TBC1D4: variants seen among roughly 807,000 people sequenced by gnomAD.
TBC1D4 encodes TBC (Tre-2, BUB2, CDC16) domain-containing protein.
Under a neutral mutation model 142.5 loss-of-function variants are expected in TBC1D4, and 121 were observed. The ratio of observed to expected loss-of-function variants is 0.85; its 90% CI spans 0.73 to 0.99. TBC1D4 has a LOEUF of 0.99. TBC1D4 is among the 50% of genes least tolerant of loss of function. The pLI, the probability that TBC1D4 is intolerant of heterozygous loss-of-function variation, is 0.00. For synonymous variants in TBC1D4, 630 were observed against 628.2 expected, an observed-to-expected ratio of 1.00 and a Z score of -0.04; for missense variants, 1,475 against 1,606.6, an observed-to-expected ratio of 0.92 and a Z score of 1.40.
rs370075905 is a variant in TBC1D4, at chr13:75,312,798, G to A, written c.2323C>T (p.Arg775Cys). 31 of 1,614,070 alleles carry A rather than the reference G, an allele frequency of 1.9e-5. No homozygotes were observed. Among genetic ancestry groups the A allele is most frequent in the African/African-American group, 2.7e-5 (2 of 74,932 alleles). The change falls in exon 13 of 21, where the codon CGC becomes TGC. Residue 775 changes from arginine to cysteine, a missense_variant. Coordinates refer to ENST00000377636, the MANE Select transcript of TBC1D4 (RefSeq NM_014832.5). ...VTPRRISWRQ[R>C]IFLRVASPMN... is the part of the protein sequence containing the mutation. ...GGAGAAGCAACCCTGAGGAAAATGCGCTGCCGCCAGGAGATCCGGCGAGGA... is the reference window on the plus strand; with the variant it reads ...GGAGAAGCAACCCTGAGGAAAATGCACTGCCGCCAGGAGATCCGGCGAGGA...
At chr13:75,474,655 T>G (rs1488216720) in intron 1 of TBC1D4, among the ~76,000 whole-genome samples, 2 of 149,470 alleles carry the variant, frequency 1.3e-5, no homozygotes, top group Non-Finnish European at 3.0e-5. Flanking sequence ...CCTTTTTTTT[T>G]TTTTTTAATC....
intron 1 of TBC1D4, among the ~76,000 whole-genome samples, chr13:75,408,884 C>G (rs2056501345): frequency 6.6e-6 from 1 of 152,100 alleles, no homozygotes; most frequent in Non-Finnish European, 1.5e-5. Context: ...GAAAAATAAC[C>G]ATTCAAATAC....
At chr13:75,412,472 T>A (rs993236031) in intron 1 of TBC1D4, among the ~76,000 whole-genome samples, 2 of 152,034 alleles carry the variant, frequency 1.3e-5, no homozygotes, top group African/African-American at 4.8e-5. Flanking sequence ...TTATTTTTTT[T>A]ATTTTTTATT....
rs904236919 is a variant in TBC1D4, at chr13:75,405,377, C to A, written c.499-42770G>T. ...CTCCGCCTCCCGGGTTCAAGCAATT[C>A]TCCTGCCTCAGCCTCCCGAGTAGCT... On this transcript the variant is annotated intron_variant, in intron 1 of 20. Transcript: ENST00000377636. 4.0e-5 allele frequency among the ~76,000 whole-genome samples: 6 copies of A among 148,784 alleles called. No individual in the cohort carries two copies. The East Asian group carries it at 1.2e-3, about 30-fold the overall frequency.
intron 15 of TBC1D4, 135 bp downstream of exon 15, chr13:75,306,178 C>G: frequency 1.2e-6 from 1 of 811,182 alleles, no homozygotes; most frequent in South Asian, 1.9e-5. Context: ...AAACAAATTA[C>G]TTCTCTTTTT....
chr13:75,450,210 G>T (rs1593899247), intron 1 of TBC1D4, among the ~76,000 whole-genome samples: 1 of 152,190 alleles, frequency 6.6e-6, no homozygotes, highest in Non-Finnish European at 1.5e-5. Flanking sequence ...CCTCACAGTG[G>T]CCATAGTTGC....
chr13:75,338,889 A>G (rs1210682575), intron 7 of TBC1D4, among the ~76,000 whole-genome samples: 2 of 152,178 alleles, frequency 1.3e-5, no homozygotes, highest in Non-Finnish European at 2.9e-5. Context: ...CGTTGTTCAC[A>G]GCAACTCCCT....
intron 4 of TBC1D4, among the ~76,000 whole-genome samples, chr13:75,351,022 A>G (rs1195093766): frequency 6.6e-6 from 1 of 152,196 alleles, no homozygotes; most frequent in Non-Finnish European, 1.5e-5. Context: ...ACTGCAACAA[A>G]GTTATAGGTC....
At position 75,306,455 on chromosome 13, in the gene TBC1D4, G is replaced by A; in HGVS notation, c.2610C>T (p.Leu870=). 2 of 1,613,172 alleles carry A rather than the reference G, an allele frequency of 1.2e-6. No homozygotes were observed. The highest frequency in any genetic ancestry group is 1.7e-6 in the Non-Finnish European group (2 of 1,179,850). ...NQKLEASRDE[L]QSRKVKLDYE... is the part of the protein sequence containing the mutation. Reference sequence around the variant, plus strand: ...AGTCTAATTTAACTTTTCTGGACTGGAGTTCATCTCTGCTTGCTAAGGAAA... The same window carrying A: ...AGTCTAATTTAACTTTTCTGGACTGAAGTTCATCTCTGCTTGCTAAGGAAA... The change falls in exon 15 of 21, where the codon CTC becomes CTT. Residue 870 remains leucine (L), a synonymous_variant. Transcript: ENST00000377636.
chr13:75,356,308 A>T, intron 3 of TBC1D4, 57 bp from the exon 4 acceptor site: 1 of 1,210,860 alleles, frequency 8.3e-7, no homozygotes, highest in East Asian at 2.4e-5. Context: ...TTTTTTACTC[A>T]ACAATATGGA....
At chr13:75,370,885 GAA>G (rs2138210154) in intron 1 of TBC1D4, among the ~76,000 whole-genome samples, 1 of 152,212 alleles carries the variant, frequency 6.6e-6, no homozygotes, top group South Asian at 2.1e-4. Flanking sequence ...GACAGAGAGA[GAA>G]AGACAGAGAC....
At chr13:75,332,478 T>C (rs913170828) in intron 8 of TBC1D4, among the ~76,000 whole-genome samples, 2 of 152,216 alleles carry the variant, frequency 1.3e-5, no homozygotes, top group East Asian at 1.9e-4. Context: ...CTGTGTTCAA[T>C]TCAGGTAGCT....
chr13:75,340,567 T>C (rs528565207), intron 7 of TBC1D4, among the ~76,000 whole-genome samples: 2 of 152,354 alleles, frequency 1.3e-5, no homozygotes, highest in South Asian at 4.1e-4. Context: ...GTACTATTAA[T>C]GCTTTTTTTT....
intron 1 of TBC1D4, among the ~76,000 whole-genome samples, chr13:75,480,623 C>A (rs559036185): frequency 6.6e-6 from 1 of 152,260 alleles, no homozygotes; most frequent in South Asian, 2.1e-4. Context: ...TGTTTAAAAA[C>A]CGCAAAAAAA....
At chr13:75,354,235 T>C (rs1045400899) in intron 4 of TBC1D4, among the ~76,000 whole-genome samples, 1 of 152,156 alleles carries the variant, frequency 6.6e-6, no homozygotes. Flanking sequence ...TGCTACACAA[T>C]ATAGATTTTG....
chr13:75,457,665 A>G (rs764046399), intron 1 of TBC1D4, among the ~76,000 whole-genome samples: 14 of 152,190 alleles, frequency 9.2e-5, no homozygotes, highest in Non-Finnish European at 1.8e-4. Context: ...GACACAGGCA[A>G]TATTTATCCC....
chr13:75,454,172 A>T (rs1187757056), intron 1 of TBC1D4, among the ~76,000 whole-genome samples: 1 of 152,000 alleles, frequency 6.6e-6, no homozygotes, highest in Admixed American at 6.6e-5. Flanking sequence ...CAGGTGTGCC[A>T]CCATGCCCAA....
intron 8 of TBC1D4, among the ~76,000 whole-genome samples, chr13:75,334,750 A>G (rs1004438736): frequency 2.6e-5 from 4 of 151,654 alleles, no homozygotes; most frequent in African/African-American, 9.7e-5. Context: ...CACCCGGCTC[A>G]TTTTTTTGTA....
At chr13:75,319,605 T>G (rs971778398) in intron 12 of TBC1D4, among the ~76,000 whole-genome samples, 1 of 152,226 alleles carries the variant, frequency 6.6e-6, no homozygotes, top group African/African-American at 2.4e-5. Flanking sequence ...GAAAGGCAGA[T>G]TCAATTTTGT....
Sources: gnomAD v4.1 joint callset for allele counts (sites outside exome capture counted in the v4.1 genomes callset) on GRCh38, gnomAD v4.1.1 for gene constraint, MANE v1.5 for transcripts, NCBI Gene and HGNC (gene_info 2026-07-23, HGNC 2026-07-21) for gene names.